Variants in KLHL5 observed in about 807,000 individuals in gnomAD.
KLHL5 encodes kelch like family member 5, also known as kelch-like protein 5.
KLHL5 carries 48 observed loss-of-function variants against 77.7 expected under a neutral mutation model. That is an observed-to-expected ratio of 0.62 (90% CI 0.49 to 0.79). The LOEUF is 0.79. KLHL5 is among the 30% of genes least tolerant of loss of function. KLHL5 has a pLI of 0.00. For missense variants in KLHL5, 723 were observed against 859.7 expected, an observed-to-expected ratio of 0.84 and a Z score of 1.99; for synonymous variants, 260 against 297.0, an observed-to-expected ratio of 0.88 and a Z score of 1.28.
the KLHL5 span, among the ~76,000 whole-genome samples, chr4:39,135,940 A>G: frequency 6.6e-6 from 1 of 151,750 alleles, no homozygotes; most frequent in Non-Finnish European, 1.5e-5. Flanking sequence ...GTTTATCAGC[A>G]GTACCAGACA....
chr4:39,075,726 A>G (rs1718961517), intron 1 of KLHL5, among the ~76,000 whole-genome samples: 1 of 152,240 alleles, frequency 6.6e-6, no homozygotes, highest in Non-Finnish European at 1.5e-5. Context: ...AAGATACTAC[A>G]AAGAATATAT....
chr4:39,067,216 T>A (rs942110061), intron 1 of KLHL5, among the ~76,000 whole-genome samples: 11 of 152,206 alleles, frequency 7.2e-5, no homozygotes, highest in Admixed American at 7.2e-4. Flanking sequence ...TTTCCTAGAT[T>A]TTACTTGCTT....
chr4:39,079,602 T>C (rs766432173), intron 2 of KLHL5, among the ~76,000 whole-genome samples: 6 of 152,198 alleles, frequency 3.9e-5, no homozygotes, highest in Non-Finnish European at 8.8e-5. Flanking sequence ...CTATTTAAAC[T>C]TACCACCCTT....
chr4:39,110,160 T>C (rs1054157621), intron 8 of KLHL5, among the ~76,000 whole-genome samples: 5 of 152,208 alleles, frequency 3.3e-5, no homozygotes, highest in African/African-American at 9.7e-5. Context: ...TTATTTAAAA[T>C]GTATTACAAG....
At chr4:39,098,425 C>G (rs985753551) in intron 6 of KLHL5, among the ~76,000 whole-genome samples, 1 of 147,822 alleles carries the variant, frequency 6.8e-6, no homozygotes, top group Non-Finnish European at 1.5e-5. Flanking sequence ...ACCACACATG[C>G]CTGACTAATT....
At chr4:39,127,842 C>T (rs1723620440), downstream of KLHL5, among the ~76,000 whole-genome samples, 2 of 152,172 alleles carry the variant, frequency 1.3e-5, no homozygotes, top group African/African-American at 4.8e-5. Context: ...AGCTGTCATT[C>T]AGAGCCATCT....
At position 39,081,997 on chromosome 4, in the gene KLHL5, C is replaced by T. The variant is rs1483854595; in HGVS notation, c.738C>T (p.Cys246=). The change falls in exon 4 of 11, where the codon TGC becomes TGT. Residue 246 remains cysteine (C), a synonymous_variant. Coordinates refer to ENST00000504108, the MANE Select transcript of KLHL5 (RefSeq NM_015990.5). The surrounding 1 kb of genome is among the most constrained non-coding windows in gnomAD (Gnocchi z 4.3). The part of the protein sequence containing the change: ...RLELKEDNIE[C]LLSTACLLQL... ...AATTAAAAGAAGATAATATTGAGTG[C>T]CTGTTATCTACAGCTTGCCTTCTTC... 3 of 1,606,478 alleles carry T rather than the reference C, an allele frequency of 1.9e-6. No individual in the cohort carries two copies. The highest frequency in any genetic ancestry group is 2.5e-6 in the Non-Finnish European group (3 of 1,177,640).
intron 1 of KLHL5, among the ~76,000 whole-genome samples, chr4:39,046,014 G>A (rs775945576): frequency 6.8e-6 from 1 of 147,644 alleles, no homozygotes; most frequent in African/African-American, 2.5e-5. Flanking sequence ...TTAGACCTCT[G>A]GCGGCAAAAA....
At chr4:39,103,555 C>T (rs1560434600) in intron 7 of KLHL5, 44 bp downstream of exon 7, 2 of 1,476,486 alleles carry the variant, frequency 1.4e-6, no homozygotes, top group East Asian at 2.3e-5. Flanking sequence ...CACATAGCTC[C>T]CACGGCACAT....
At chr4:39,100,215 C>T (rs569545606) in intron 6 of KLHL5, among the ~76,000 whole-genome samples, 1 of 152,292 alleles carries the variant, frequency 6.6e-6, no homozygotes, top group Non-Finnish European at 1.5e-5. Context: ...CATCAAGGCT[C>T]ATACATACAG....
intron 5 of KLHL5, among the ~76,000 whole-genome samples, chr4:39,091,944 C>G (rs1720621219): frequency 6.6e-6 from 1 of 151,164 alleles, no homozygotes; most frequent in Non-Finnish European, 1.5e-5. Context: ...CTAAGCCTCC[C>G]AATATGCTGG....
At chr4:39,108,939 A>C (rs1382580807) in intron 8 of KLHL5, among the ~76,000 whole-genome samples, 1 of 152,200 alleles carries the variant, frequency 6.6e-6, no homozygotes, top group Non-Finnish European at 1.5e-5. Context: ...ATTTCTAGGC[A>C]TAGAAACATC....
At chr4:39,118,076 A>G (rs1722970813) in intron 10 of KLHL5, among the ~76,000 whole-genome samples, 1 of 151,606 alleles carries the variant, frequency 6.6e-6, no homozygotes, top group South Asian at 2.1e-4. Context: ...AAAAAAAAAA[A>G]GTAAACAGAA....
In KLHL5 at chr4:39,113,066, G is replaced by A; in HGVS notation, c.1735G>A (p.Val579Ile). The stretch of plus-strand genomic sequence containing the variant: ...TGATGGAAGTTCTTGTCTCAAATCA[G>A]TAGAATGTTTTGATCCTCATACTAA... ...GRDGSSCLKSVECFDPHTNKW... is the reference protein window; with the variant it reads ...GRDGSSCLKSIECFDPHTNKW... The change falls in exon 9 of 11, where the codon GTA becomes ATA. Residue 579 changes from valine to isoleucine, a missense_variant. Physicochemically the swap from Val to Ile is conservative, Grantham distance 29. Transcript: ENST00000504108. 1 of 1,613,916 alleles carries A rather than the reference G, an allele frequency of 6.2e-7. No homozygotes were observed. Among genetic ancestry groups the A allele is most frequent in the Non-Finnish European group, 8.5e-7 (1 of 1,179,938 alleles).
upstream of KLHL5, among the ~76,000 whole-genome samples, chr4:39,058,307 T>G (rs574107025): frequency 6.6e-6 from 1 of 152,190 alleles, no homozygotes; most frequent in Non-Finnish European, 1.5e-5. Context: ...AGAATAACAT[T>G]GTGATTTTTC....
intron 8 of KLHL5, among the ~76,000 whole-genome samples, chr4:39,108,836 T>A (rs909380888): frequency 2.6e-5 from 4 of 152,212 alleles, no homozygotes; most frequent in Non-Finnish European, 4.4e-5. Flanking sequence ...TAATTTTTGT[T>A]CAGCAACATA....
At chr4:39,064,587 A>C (rs1035929187) in intron 1 of KLHL5, among the ~76,000 whole-genome samples, 3 of 152,180 alleles carry the variant, frequency 2.0e-5, no homozygotes, top group Admixed American at 2.0e-4. Flanking sequence ...GAGAAATTAT[A>C]ATGTGAATAT....
rs1364435394 is a variant in KLHL5, at chr4:39,062,679, T to C, written c.27T>C (p.Asp9=). The change falls in exon 1 of 11, where the codon GAT becomes GAC. Residue 9 remains aspartate (D), a synonymous_variant. Coordinates refer to ENST00000504108, the MANE Select transcript of KLHL5 (RefSeq NM_015990.5). MSGSRKEF[D]VKQILKIRWR... ...TGTCTGGTTCTCGTAAAGAGTTTGA[T>C]GTGAAACAGATTTTGAAAATCAGAT... is the stretch of plus-strand genomic sequence containing the variant. 1 of 1,614,036 alleles carries C rather than the reference T, an allele frequency of 6.2e-7. No homozygotes were observed. The highest frequency in any genetic ancestry group is 1.3e-5 in the African/African-American group (1 of 74,912).
At position 39,082,063 on chromosome 4, in the gene KLHL5, G is replaced by A. The variant is rs936300482; in HGVS notation, c.804G>A (p.Met268Ile). Reference sequence around the variant, plus strand: ...TAGAAGCATGCTGTAAGTTTTTAATGAAACAGCTTCATCCATCCAACTGTC... The same window carrying A: ...TAGAAGCATGCTGTAAGTTTTTAATAAAACAGCTTCATCCATCCAACTGTC... ...QVVEACCKFL[M>I]KQLHPSNCLG... The change falls in exon 4 of 11, where the codon ATG becomes ATA. Residue 268 changes from methionine (M) to isoleucine (I), a missense_variant. By Grantham distance (10) the Met-to-Ile change is conservative. Transcript: ENST00000504108. The A allele has an allele frequency of 6.2e-7, 1 of 1,614,068 alleles. No individual in the cohort carries two copies. Among genetic ancestry groups the A allele is most frequent in the Non-Finnish European group, 8.5e-7 (1 of 1,179,958 alleles).
Sources: gnomAD v4.1 joint callset for allele counts (sites outside exome capture counted in the v4.1 genomes callset) on GRCh38, gnomAD v4.1.1 for gene constraint, Gnocchi (gnomAD v3.1) non-coding constraint, MANE v1.5 for transcripts, NCBI Gene and HGNC (gene_info 2026-07-23, HGNC 2026-07-21) for gene names.